PRSS57: variants seen among roughly 807,000 people sequenced by gnomAD.
PRSS57 encodes serine protease 57.
Under a neutral mutation model 20.6 loss-of-function variants are expected in PRSS57, and 19 were observed. The ratio of observed to expected loss-of-function variants is 0.92; its 90% CI spans 0.64 to 1.35. PRSS57 has a LOEUF of 1.35. Among genes scored for constraint, PRSS57 ranks in the 40% most tolerant of loss-of-function variants. The probability of loss-of-function intolerance (pLI) is 0.00; values close to 1 mark genes in which losing one functional copy is unlikely to be tolerated. For missense variants in PRSS57, 440 were observed against 403.7 expected (o/e 1.09, Z -0.77); for synonymous variants, 203 against 176.6 (o/e 1.15, Z -1.19).
intron 3 of PRSS57, among the ~76,000 whole-genome samples, chr19:689,679 G>C (rs1388960628): frequency 6.6e-6 from 1 of 152,164 alleles, no homozygotes; most frequent in Non-Finnish European, 1.5e-5. Flanking sequence ...AGCACTTTGC[G>C]GGGCTGAGGC....
intron 2 of PRSS57, among the ~76,000 whole-genome samples, chr19:693,271 C>G (rs1272660906): frequency 8.1e-6 from 1 of 123,682 alleles, no homozygotes; most frequent in East Asian, 2.6e-4. Context: ...CTCACTCTGT[C>G]ACCCAGGCCG....
chr19:695,296 G>A (rs1453600373), intron 1 of PRSS57, 56 bp downstream of exon 1: 1 of 877,908 alleles, frequency 1.1e-6, no homozygotes, highest in Non-Finnish European at 1.5e-6. Context: ...CCCGGGTGTG[G>A]CCCCCGTACG....
rs1481233176 is a variant in PRSS57 at position 692,950 on chromosome 19, C to T, written c.234-948G>A. 1.2e-4 allele frequency among the ~76,000 whole-genome samples: 18 copies of T among 149,648 alleles called. No individual in the cohort carries two copies. The East Asian group carries it at 1.6e-3, about 13-fold the overall frequency. ...ATTTCTTTAATTTTTTTTTTTGAGA[C>T]GGAGTCTCGCTCTGTCACCCAGGCA... On this transcript the variant is annotated intron_variant, in intron 2 of 4. Coordinates refer to ENST00000329267, the MANE Select transcript of PRSS57 (RefSeq NM_001308209.2).
At chr19:694,617 C>G (rs534735728) in intron 2 of PRSS57, among the ~76,000 whole-genome samples, 197 bp downstream of exon 2, 1 of 147,646 alleles carries the variant, frequency 6.8e-6, no homozygotes, top group East Asian at 2.0e-4. Context: ...ACTTGTTGCG[C>G]CTGTTGCTTC....
At position 685,809 on chromosome 19, in the gene PRSS57, G is replaced by A. The variant is rs952315520; in HGVS notation, c.756C>T (p.Ala252=). 16 of 1,567,074 alleles carry A rather than the reference G, an allele frequency of 1.0e-5. No individual in the cohort carries two copies. In the African/African-American group the frequency reaches 1.1e-4, roughly 11 times the overall value. ...CCACGTCCCAGATCCAGGCCACAAA[G>A]GCGGACACCTGCGTGTACACGTCGG... ...KTPDVYTQVS[A]FVAWIWDVVR... The change falls in exon 5 of 5, where the codon GCC becomes GCT. Residue 252 remains alanine (A), a synonymous_variant. Transcript: ENST00000329267.
rs1010409489 is a variant in PRSS57, at chr19:688,558, G to C, written c.379-1370C>G. 5.4e-5 allele frequency among the ~76,000 whole-genome samples: 8 copies of C among 149,266 alleles called. No homozygotes were observed. In the Admixed American group the frequency reaches 5.4e-4, roughly 10 times the overall value. On this transcript the variant is annotated intron_variant, in intron 3 of 4. Coordinates refer to ENST00000329267, the MANE Select transcript of PRSS57 (RefSeq NM_001308209.2). The stretch of plus-strand genomic sequence containing the variant: ...AGGCGGGTCTGCATGGATGCACCAC[G>C]TGTGGGAGGAGCAGCTTCCCACCCG...
At chr19:689,164 G>C (rs552320684) in intron 3 of PRSS57, among the ~76,000 whole-genome samples, 4,787 of 108,614 alleles carry the variant, frequency 0.044, 843 homozygotes, top group African/African-American at 0.1. Flanking sequence ...GGGTGGTCCA[G>C]GGGTTAGCAG....
At chr19:692,688 A>G (rs1180758057) in intron 2 of PRSS57, among the ~76,000 whole-genome samples, 1 of 151,836 alleles carries the variant, frequency 6.6e-6, no homozygotes, top group African/African-American at 2.4e-5. Context: ...AAGTGCTGGG[A>G]TTACAGGCGT....
chr19:688,380 G>T (rs1437549495), intron 3 of PRSS57, among the ~76,000 whole-genome samples: 4 of 145,010 alleles, frequency 2.8e-5, no homozygotes, highest in Non-Finnish European at 4.5e-5. Context: ...TTGCTCTGTT[G>T]TCCAGGCTGG....
intron 3 of PRSS57, 99 bp from the exon 4 acceptor site, chr19:687,287 A>T: frequency 7.4e-7 from 1 of 1,344,854 alleles, no homozygotes; most frequent in South Asian, 1.6e-5. Flanking sequence ...CTTGTGAAGC[A>T]AAATCAATGG....
At chr19:691,794 G>T in intron 3 of PRSS57, 64 bp downstream of exon 3, 1 of 1,292,892 alleles carries the variant, frequency 7.7e-7, no homozygotes, top group South Asian at 3.2e-5. Flanking sequence ...CCTCCAGCCC[G>T]AGCGACAGAG....
chr19:688,763 T>TA (rs1344033853), intron 3 of PRSS57, among the ~76,000 whole-genome samples: 1 of 150,946 alleles, frequency 6.6e-6, no homozygotes, highest in African/African-American at 2.5e-5. Context: ...CAGGCTCAGC[T>TA]AATTTTTTTA....
rs560386313 is a variant in PRSS57 at position 685,702 on chromosome 19, C to T, written c.*14G>A. On this transcript the variant is annotated 3_prime_UTR_variant, in exon 5 of 5. Coordinates refer to ENST00000329267, the MANE Select transcript of PRSS57 (RefSeq NM_001308209.2). ...TGGAGCGGCCATCTCATTTGCATGC[C>T]GCAAGGTTGTGGCTCAGGCGGCTTC... 8.8e-5 allele frequency: 134 copies of T among 1,518,248 alleles called. No individual in the cohort carries two copies. The highest frequency in any genetic ancestry group is 1.1e-4 in the Non-Finnish European group (125 of 1,124,136). 94.0% of individuals were successfully genotyped at this position (1,518,248 alleles called of 1,614,324 possible).
At position 695,358 on chromosome 19, in the gene PRSS57, G is replaced by T. The variant is rs745752648; in HGVS notation, c.73C>A (p.Pro25Thr). The change falls in exon 1 of 5, where the codon CCC becomes ACC. Residue 25 changes from proline (P) to threonine (T), a missense_variant. Transcript: ENST00000329267. ...ATCCCGGGGGGCTCCTCACCGGGGG[G>T]CTTCACGGGCAGCATCAGGGCGGTG... is the stretch of plus-strand genomic sequence containing the variant. Reference protein sequence around the residue: ...VATALMLPVKPPGSWGAQIIG... With the variant: ...VATALMLPVKTPGSWGAQIIG... The T allele has an allele frequency of 5.5e-6, 7 of 1,273,550 alleles. No individual in the cohort carries two copies. The Admixed American group carries it at 2.2e-4, about 40-fold the overall frequency. The allele number at this position is 1,273,550 out of a possible 1,614,324, so 78.9% of individuals were successfully genotyped here.
Position 691,061 on chromosome 19 carries a change from C to T in PRSS57, c.378+797G>A, listed in dbSNP as rs551350990. 6 of 280,154 alleles carry T rather than the reference C, an allele frequency of 2.1e-5. No individual in the cohort carries two copies. In the East Asian group the frequency reaches 3.2e-4, roughly 15 times the overall value. 17.4% of individuals were successfully genotyped at this position (280,154 alleles called of 1,614,324 possible). A position where few individuals can be genotyped will look rare whatever the true frequency, so the allele number is the denominator to read the frequency against. ...CTCTCTAAGACCTACAGCTGCCTGA[C>T]CCCTGACCTCTGTATTCCCCAAGTC... On this transcript the variant is annotated intron_variant, in intron 3 of 4. Transcript: ENST00000329267.
intron 3 of PRSS57, chr19:691,005 G>A (rs1015043293): frequency 1.8e-5 from 7 of 390,540 alleles, no homozygotes; most frequent in Non-Finnish European, 2.9e-5. Flanking sequence ...CTGCCACCCT[G>A]GGCCACTTTG....
Position 694,885 on chromosome 19 carries a change from GC to G in PRSS57, c.161del (p.Gly54AlafsTer39). 1 of 1,604,622 alleles carries G rather than the reference GC, an allele frequency of 6.2e-7. No individual in the cohort carries two copies. Among genetic ancestry groups the G allele is most frequent in the South Asian group, 1.1e-5 (1 of 89,498 alleles). On this transcript the variant is annotated frameshift_variant, in exon 2 of 5. Transcript: ENST00000329267. LOFTEE classifies it high-confidence loss of function. ...RPYMASVRFGGQHHCGGFLLR... is the reference protein window; with the variant it reads ...RPYMASVRFGXQHHCGGFLLR... ...GCAGGAAGCCTCCGCAGTGATGTTG[GC>G]CCCCGAAGCGCACGGATGCCATGTA...
At position 694,912 on chromosome 19, in the gene PRSS57, G is replaced by C. The variant is rs1230107998; in HGVS notation, c.135C>G (p.Pro45=). Residue 45 remains proline (P), a synonymous_variant, in exon 2 of 5, where the codon CCC becomes CCG. Coordinates refer to ENST00000329267, the MANE Select transcript of PRSS57 (RefSeq NM_001308209.2). ...CCCCGAAGCGCACGGATGCCATGTA[G>C]GGCCTGGAGTGGGGGGTCACCTCGT... is the stretch of plus-strand genomic sequence containing the variant. ...GGHEVTPHSR[P]YMASVRFGGQ... 6.3e-7 allele frequency: 1 copy of C among 1,598,070 alleles called. No individual in the cohort carries two copies. Among genetic ancestry groups the C allele is most frequent in the Non-Finnish European group, 8.5e-7 (1 of 1,172,408 alleles).
At chr19:688,379 T>C (rs12985435) in intron 3 of PRSS57, among the ~76,000 whole-genome samples, 56,703 of 145,464 alleles carry the variant, frequency 0.39, 11,814 homozygotes, top group African/African-American at 0.52. Context: ...CTTGCTCTGT[T>C]GTCCAGGCTG....
Sources: allele counts gnomAD v4.1 joint callset (sites outside exome capture counted in the v4.1 genomes callset), GRCh38; gene constraint gnomAD v4.1.1; transcripts MANE v1.5; gene names NCBI Gene and HGNC (gene_info 2026-07-23, HGNC 2026-07-21).